The following RC3H2 variants were observed in gnomAD, a reference collection of about 807,000 sequenced individuals.
The protein encoded by RC3H2 is ring finger and CCCH-type domains 2, also known as roquin-2.
RC3H2 carries 31 observed loss-of-function variants against 133.3 expected under a neutral mutation model. The ratio of observed to expected loss-of-function variants is 0.23; its 90% CI spans 0.17 to 0.31. The LOEUF (loss-of-function observed/expected upper bound fraction) is 0.31, where lower values mean the gene tolerates loss of function less well. Among genes scored for constraint, RC3H2 ranks in the 10% least tolerant of loss-of-function variants. The probability of loss-of-function intolerance (pLI) is 1.00; values close to 1 mark genes in which losing one functional copy is unlikely to be tolerated. For synonymous variants in RC3H2, 517 were observed against 502.2 expected (o/e 1.03, Z -0.40); for missense variants, 1,175 against 1,437.2 (o/e 0.82, Z 2.95).
chr9:122,882,094 A>G (rs368522951), intron 5 of RC3H2, among the ~76,000 whole-genome samples: 1 of 152,222 alleles, frequency 6.6e-6, no homozygotes, highest in African/African-American at 2.4e-5. Flanking sequence ...GTTGCTTTAA[A>G]AAAAAAATGA....
At chr9:122,868,988 G>A (rs897559165) in intron 9 of RC3H2, among the ~76,000 whole-genome samples, 10 of 143,442 alleles carry the variant, frequency 7.0e-5, no homozygotes, top group Middle Eastern at 3.7e-3. Flanking sequence ...TGCAACCTCC[G>A]CCTCCTGGGT....
rs1832804820 is a variant in RC3H2 at position 122,905,307 on chromosome 9, C to G, written c.-265G>C. ...ACGGGGCCTCCTCCTCCTCCCTCCA[C>G]CTCCGCCTCCTCCTCCTCCTCCTCC... On this transcript the variant is annotated 5_prime_UTR_variant, in exon 1 of 21. Transcript: ENST00000357244. The G allele has an allele frequency of 3.0e-6, 3 of 985,336 alleles. No homozygotes were observed. Among genetic ancestry groups the G allele is most frequent in the Non-Finnish European group, 3.6e-6 (3 of 829,612 alleles). 61.0% of individuals were successfully genotyped at this position (985,336 alleles called of 1,614,324 possible).
At chr9:122,864,286 G>A (rs1830558210) in intron 10 of RC3H2, among the ~76,000 whole-genome samples, 1 of 152,104 alleles carries the variant, frequency 6.6e-6, no homozygotes, top group Non-Finnish European at 1.5e-5. Flanking sequence ...CAACTTTTCA[G>A]ATAATCTGAA....
At chr9:122,862,702 C>T (rs2596692) in intron 10 of RC3H2, among the ~76,000 whole-genome samples, 108,235 of 151,860 alleles carry the variant, frequency 0.71, 41,004 homozygotes, top group Middle Eastern at 0.87. Context: ...CTAGACCAGT[C>T]TGGCCAACAT....
At chr9:122,904,573 T>C (rs1372314026) in intron 1 of RC3H2, among the ~76,000 whole-genome samples, 1 of 152,186 alleles carries the variant, frequency 6.6e-6, no homozygotes, top group Non-Finnish European at 1.5e-5. Flanking sequence ...ATGCCATTGC[T>C]CCTAGCCACA....
intron 9 of RC3H2, 102 bp from the exon 10 acceptor site, chr9:122,865,759 C>T: frequency 1.0e-6 from 1 of 972,168 alleles, no homozygotes; most frequent in East Asian, 2.4e-5. Flanking sequence ...AAGGAGGAAA[C>T]AGTTTTGACA....
chr9:122,859,904 T>G lies in RC3H2; in HGVS notation c.1849+13A>C. The G allele has an allele frequency of 6.3e-7, 1 of 1,580,090 alleles. No individual in the cohort carries two copies. Among genetic ancestry groups the G allele is most frequent in the Non-Finnish European group, 8.7e-7 (1 of 1,149,312 alleles). On this transcript the variant is annotated intron_variant, in intron 11 of 20. Coordinates refer to ENST00000357244, the MANE Select transcript of RC3H2 (RefSeq NM_001100588.3). ...TGTTTCTTTTTTTCTTAGAATTGTC[T>G]AAAATTACTCACCTGTCTGTGGGTA... is the stretch of plus-strand genomic sequence containing the variant.
intron 16 of RC3H2, 87 bp from the exon 17 acceptor site, chr9:122,854,353 T>G: frequency 6.9e-6 from 9 of 1,303,212 alleles, no homozygotes; most frequent in South Asian, 1.3e-5. Context: ...ATGTGACAGA[T>G]CAACCCTGAA....
rs546650771 is a variant in RC3H2 at position 122,883,515 on chromosome 9, C to T, written c.584-136G>A. On this transcript the variant is annotated intron_variant, in intron 4 of 20. Coordinates refer to ENST00000357244, the MANE Select transcript of RC3H2 (RefSeq NM_001100588.3). ...TTATATTTAATTAGCACAAAGAGGA[C>T]ATCACACGTACATAATTTAAAAAGT... 82 of 559,980 alleles carry T rather than the reference C, an allele frequency of 1.5e-4. 1 individual carries two copies. The East Asian group carries it at 2.6e-3, about 18-fold the overall frequency. The allele number at this position is 559,980 out of a possible 1,614,324, so 34.7% of individuals were successfully genotyped here. A position where few individuals can be genotyped will look rare whatever the true frequency, so the allele number is the denominator to read the frequency against.
chr9:122,891,014 T>A (rs1001010633), intron 3 of RC3H2, among the ~76,000 whole-genome samples: 5 of 1,576 alleles, frequency 3.2e-3, no homozygotes, highest in Non-Finnish European at 8.9e-3. Context: ...TCTGCCCCAT[T>A]TTTTTTTTTT....
At chr9:122,875,265 C>T in intron 9 of RC3H2, 1 of 1,550,640 alleles carries the variant, frequency 6.4e-7, no homozygotes, top group South Asian at 1.2e-5. Context: ...CTTATCTTCT[C>T]TCTATCACAA....
chr9:122,854,299 G>A, intron 16 of RC3H2, 33 bp from the exon 17 acceptor site: 1 of 1,551,836 alleles, frequency 6.4e-7, no homozygotes, highest in East Asian at 2.2e-5. Flanking sequence ...TGTAATAAAA[G>A]TGAAGTGAAT....
At chr9:122,876,914 T>C (rs1185756296) in intron 9 of RC3H2, among the ~76,000 whole-genome samples, 1 of 152,184 alleles carries the variant, frequency 6.6e-6, no homozygotes, top group African/African-American at 2.4e-5. Flanking sequence ...GCCTGAGACT[T>C]TGCTGCTAGG....
Position 122,897,568 on chromosome 9 carries a change from T to A in RC3H2, c.-59A>T, listed in dbSNP as rs1336997312. The A allele has an allele frequency of 1.9e-6, 3 of 1,545,718 alleles. No homozygotes were observed. The highest frequency in any genetic ancestry group is 2.4e-5 in the East Asian group (1 of 42,364). On this transcript the variant is annotated 5_prime_UTR_variant, in exon 2 of 21. Coordinates refer to ENST00000357244, the MANE Select transcript of RC3H2 (RefSeq NM_001100588.3). ...CAGATCATTATTTTGCTGTGTAGTG[T>A]TTTGTAAGCTAGAAATGGACAAAAG...
At chr9:122,881,457 C>CAAAAAAA (rs11321863) in intron 5 of RC3H2, among the ~76,000 whole-genome samples, 2 of 85,332 alleles carry the variant, frequency 2.3e-5, no homozygotes. Context: ...GACTCCGTCT[C>CAAAAAAA]AAAAAAAAAA....
rs1390044225 is a variant in RC3H2 at position 122,847,130 on chromosome 9, G to A, written c.*2497C>T. On this transcript the variant is annotated 3_prime_UTR_variant, in exon 21 of 21. Coordinates refer to ENST00000357244, the MANE Select transcript of RC3H2 (RefSeq NM_001100588.3). ...TGTTCTGAGACATACCAATAAGGTT[G>A]GCAGGTATATACATATACTGATGCA... The A allele has an allele frequency of 6.6e-6, 1 of 152,102 alleles. No homozygotes were observed. The highest frequency in any genetic ancestry group is 2.4e-5 in the African/African-American group (1 of 41,416). 9.4% of individuals were successfully genotyped at this position (152,102 alleles called of 1,614,324 possible). A position where few individuals can be genotyped will look rare whatever the true frequency, so the allele number is the denominator to read the frequency against.
intron 20 of RC3H2, among the ~76,000 whole-genome samples, chr9:122,850,751 T>C (rs958006274): frequency 6.6e-6 from 1 of 152,158 alleles, no homozygotes; most frequent in Non-Finnish European, 1.5e-5. Context: ...CAAGAAAATC[T>C]TAACATGATT....
At chr9:122,850,992 A>G (rs2298015) in intron 20 of RC3H2, 89 bp downstream of exon 20, 1 of 1,435,746 alleles carries the variant, frequency 7.0e-7, no homozygotes, top group African/African-American at 1.4e-5. Flanking sequence ...TCTTCCCCTC[A>G]CAGCATAAAG....
At chr9:122,893,812 C>G (rs1190504810) in intron 2 of RC3H2, among the ~76,000 whole-genome samples, 1 of 151,852 alleles carries the variant, frequency 6.6e-6, no homozygotes, top group Non-Finnish European at 1.5e-5. Flanking sequence ...ATTATTAAGA[C>G]AGAGTGTTCT....
Sources: allele counts gnomAD v4.1 joint callset (sites outside exome capture counted in the v4.1 genomes callset), GRCh38; gene constraint gnomAD v4.1.1; transcripts MANE v1.5; gene names NCBI Gene and HGNC (gene_info 2026-07-23, HGNC 2026-07-21).